The following ATP1B3 variants were observed in gnomAD, a reference collection of about 807,000 sequenced individuals.
ATP1B3 encodes the protein sodium/potassium-transporting ATPase subunit beta-3.
Under a neutral mutation model 30.2 loss-of-function variants are expected in ATP1B3, and 10 were observed. The ratio of observed to expected loss-of-function variants is 0.33; its 90% CI spans 0.20 to 0.56. The LOEUF is 0.56. ATP1B3 is among the 20% of genes least tolerant of loss of function. The pLI, the probability that ATP1B3 is intolerant of heterozygous loss-of-function variation, is 0.90. For missense variants in ATP1B3, 238 were observed against 336.7 expected (o/e 0.71, Z 2.29); for synonymous variants, 113 against 117.0 (o/e 0.97, Z 0.22).
At chr3:141,895,725 G>A (rs1412433899) in intron 1 of ATP1B3, among the ~76,000 whole-genome samples, 1 of 152,164 alleles carries the variant, frequency 6.6e-6, no homozygotes, top group Admixed American at 6.5e-5. Flanking sequence ...ATATCTAGAA[G>A]TAGATTGGCT....
At chr3:141,900,809 GTC>G (rs779206941) in intron 1 of ATP1B3, among the ~76,000 whole-genome samples, 2 of 152,026 alleles carry the variant, frequency 1.3e-5, no homozygotes, top group Non-Finnish European at 2.9e-5. Flanking sequence ...TTGAGAAGGG[GTC>G]TCTCTCTGTC....
intron 1 of ATP1B3, among the ~76,000 whole-genome samples, chr3:141,896,930 C>T (rs1451499793): frequency 2.0e-5 from 3 of 152,152 alleles, no homozygotes; most frequent in Non-Finnish European, 4.4e-5. Flanking sequence ...TGTGTTTAGA[C>T]TTTCCTATTA....
At chr3:141,882,865 C>T (rs562411292) in intron 1 of ATP1B3, among the ~76,000 whole-genome samples, 74 of 152,276 alleles carry the variant, frequency 4.9e-4, no homozygotes, top group South Asian at 1.7e-3. Context: ...GGATTACAGG[C>T]GTGAGCCACC....
chr3:141,917,173 A>G (rs753347492), intron 5 of ATP1B3, among the ~76,000 whole-genome samples: 2 of 151,848 alleles, frequency 1.3e-5, no homozygotes, highest in Admixed American at 6.6e-5. Flanking sequence ...ATTTCTCACT[A>G]AAGTTTCCAG....
chr3:141,897,331 T>C (rs1934086234), intron 1 of ATP1B3, among the ~76,000 whole-genome samples: 1 of 152,194 alleles, frequency 6.6e-6, no homozygotes, highest in Non-Finnish European at 1.5e-5. Context: ...TAGCATCCAG[T>C]ATCTATAATT....
In ATP1B3 at chr3:141,925,578, T is replaced by G; in HGVS notation, c.717T>G (p.Pro239=). 6.2e-7 allele frequency: 1 copy of G among 1,613,872 alleles called. No homozygotes were observed. Among genetic ancestry groups the G allele is most frequent in the Non-Finnish European group, 8.5e-7 (1 of 1,179,836 alleles). Residue 239 remains proline (P), a synonymous_variant, in exon 7 of 7, where the codon CCT becomes CCG. Coordinates refer to ENST00000286371, the MANE Select transcript of ATP1B3 (RefSeq NM_001679.4). ...TTGCTGTTCAGGTCAGCTTTGCTCC[T>G]AACAACACTGGGAAAGAAGTAACAG... ...PLVAVQVSFA[P]NNTGKEVTVE... is the part of the protein sequence containing the mutation.
chr3:141,880,535 A>G (rs1051251661), intron 1 of ATP1B3, among the ~76,000 whole-genome samples: 1 of 152,194 alleles, frequency 6.6e-6, no homozygotes, highest in East Asian at 1.9e-4. Flanking sequence ...ATTAGAGTCA[A>G]ATTAATGAAG....
chr3:141,897,167 G>T (rs1266832812), intron 1 of ATP1B3, among the ~76,000 whole-genome samples: 1 of 152,158 alleles, frequency 6.6e-6, no homozygotes, highest in Non-Finnish European at 1.5e-5. Flanking sequence ...GACTGCTCCT[G>T]CTGTGGTACT....
At chr3:141,924,759 A>G (rs1934624750) in intron 6 of ATP1B3, among the ~76,000 whole-genome samples, 2 of 151,972 alleles carry the variant, frequency 1.3e-5, no homozygotes, top group African/African-American at 2.4e-5. Flanking sequence ...GATCGAGACT[A>G]TCCTGGCCAA....
intron 1 of ATP1B3, among the ~76,000 whole-genome samples, chr3:141,900,355 T>C: frequency 6.6e-6 from 1 of 152,098 alleles, no homozygotes; most frequent in South Asian, 2.1e-4. Context: ...TGAAGTTCAG[T>C]GGAGCTGCCA....
chr3:141,901,777 G>A (rs1002772318), intron 1 of ATP1B3, among the ~76,000 whole-genome samples: 4 of 152,048 alleles, frequency 2.6e-5, no homozygotes, highest in Admixed American at 2.0e-4. Flanking sequence ...AAACAGTATT[G>A]TAACAAGAAT....
At chr3:141,914,082 T>C (rs1243248442) in intron 4 of ATP1B3, among the ~76,000 whole-genome samples, 1 of 152,204 alleles carries the variant, frequency 6.6e-6, no homozygotes, top group African/African-American at 2.4e-5. Context: ...AAACTTTTCT[T>C]CTTTGGAAAT....
At chr3:141,888,238 G>A (rs1437398948) in intron 1 of ATP1B3, among the ~76,000 whole-genome samples, 1 of 152,176 alleles carries the variant, frequency 6.6e-6, no homozygotes, top group African/African-American at 2.4e-5. Flanking sequence ...CTAATTGAGT[G>A]TTGGAGAATA....
At chr3:141,907,057 AC>A in intron 2 of ATP1B3, 109 bp from the exon 3 acceptor site, 1 of 692,488 alleles carries the variant, frequency 1.4e-6, no homozygotes, top group East Asian at 2.9e-5. Flanking sequence ...GTTTCAGCAT[AC>A]TGTCAACACA....
intron 5 of ATP1B3, among the ~76,000 whole-genome samples, chr3:141,920,836 C>G (rs931418206): frequency 6.6e-6 from 1 of 152,108 alleles, no homozygotes; most frequent in Non-Finnish European, 1.5e-5. Context: ...ACTTCCTACC[C>G]TTTCCACATA....
intron 5 of ATP1B3, chr3:141,916,555 A>G (rs1396522532): frequency 7.8e-7 from 1 of 1,288,102 alleles, no homozygotes; most frequent in African/African-American, 1.5e-5. Context: ...TGCCACTAAG[A>G]CAAATAATGT....
intron 3 of ATP1B3, among the ~76,000 whole-genome samples, chr3:141,909,244 A>G (rs563257436): frequency 9.2e-5 from 14 of 152,316 alleles, no homozygotes; most frequent in South Asian, 6.2e-4. Context: ...AAGGTCTGCA[A>G]TGAAGTGTTC....
chr3:141,902,316 G>T, intron 1 of ATP1B3: 1 of 959,378 alleles, frequency 1.0e-6, no homozygotes, highest in Non-Finnish European at 1.5e-6. Flanking sequence ...AAGGGGGTTG[G>T]GGGTGATTCC....
intron 2 of ATP1B3, among the ~76,000 whole-genome samples, chr3:141,905,630 G>A (rs1277296062): frequency 6.6e-6 from 1 of 152,086 alleles, no homozygotes; most frequent in African/African-American, 2.4e-5. Flanking sequence ...AAAACTCTTA[G>A]TGTATTGGAG....
Sources: gnomAD v4.1 joint callset for allele counts (sites outside exome capture counted in the v4.1 genomes callset) on GRCh38, gnomAD v4.1.1 for gene constraint, MANE v1.5 for transcripts, NCBI Gene and HGNC (gene_info 2026-07-23, HGNC 2026-07-21) for gene names.